Variants in YPEL1 observed in about 807,000 individuals in gnomAD.
YPEL1 encodes protein yippee-like 1.
In YPEL1, 7 loss-of-function variants were observed where a neutral mutation model predicts 17.3. The observed-to-expected ratio is 0.40, with a 90% CI of 0.23 to 0.76. The LOEUF is 0.76. Among genes scored for constraint, YPEL1 ranks in the 30% least tolerant of loss-of-function variants. YPEL1 has a pLI of 0.35. For missense variants in YPEL1, 91 were observed against 155.5 expected, an observed-to-expected ratio of 0.59 and a Z score of 2.21; for synonymous variants, 59 against 59.6, an observed-to-expected ratio of 0.99 and a Z score of 0.05.
At chr22:21,724,976 C>T (rs1056082685) in intron 1 of YPEL1, among the ~76,000 whole-genome samples, 3 of 151,474 alleles carry the variant, frequency 2.0e-5, no homozygotes, top group African/African-American at 4.9e-5. Flanking sequence ...GGTGCAATCT[C>T]GGCTCACTGC....
chr22:21,702,022 C>CA (rs1237291785), intron 4 of YPEL1, among the ~76,000 whole-genome samples: 3 of 47,142 alleles, frequency 6.4e-5, no homozygotes, highest in African/African-American at 2.3e-4. Flanking sequence ...GACCCTGTCT[C>CA]AAAAAACAAC....
intron 1 of YPEL1, among the ~76,000 whole-genome samples, chr22:21,717,174 G>C (rs867092478): frequency 6.6e-6 from 1 of 152,038 alleles, no homozygotes; most frequent in Admixed American, 6.6e-5. Context: ...TCAGGAGTTC[G>C]AGACCAGCCT....
intron 1 of YPEL1, among the ~76,000 whole-genome samples, chr22:21,717,696 G>C (rs1288440081): frequency 6.6e-6 from 1 of 152,192 alleles, no homozygotes; most frequent in African/African-American, 2.4e-5. Flanking sequence ...CCAGAGGAAG[G>C]AAAAATGACC....
chr22:21,722,352 G>A (rs1387044158), intron 1 of YPEL1, among the ~76,000 whole-genome samples: 1 of 152,176 alleles, frequency 6.6e-6, no homozygotes, highest in Non-Finnish European at 1.5e-5. Flanking sequence ...GGAGATGGAG[G>A]TTGCAGTAAG....
At position 21,735,396 on chromosome 22, in the gene YPEL1, A is replaced by G. The variant is rs534884092; in HGVS notation, c.-165+219T>C. Among the ~76,000 whole-genome samples, 9 of 152,268 alleles carry G rather than the reference A, an allele frequency of 5.9e-5. No homozygotes were observed. In the South Asian group the frequency reaches 1.9e-3, roughly 32 times the overall value. The stretch of plus-strand genomic sequence containing the variant: ...GGAGAGAAGAAACGGCGGGGGAATC[A>G]AAGATTAGGCGTTGTTGTCTGTGCC... On this transcript the variant is annotated intron_variant, in intron 1 of 4. Coordinates refer to ENST00000339468, the MANE Select transcript of YPEL1 (RefSeq NM_013313.5).
intron 2 of YPEL1, among the ~76,000 whole-genome samples, chr22:21,706,384 G>A (rs5754754): frequency 0.47 from 70,037 of 148,940 alleles, 16,727 homozygotes; most frequent in East Asian, 0.75. Flanking sequence ...GCAGTGAGCC[G>A]AGATCGCGCC....
intron 1 of YPEL1, among the ~76,000 whole-genome samples, chr22:21,721,126 T>A (rs565637468): frequency 4.0e-5 from 6 of 148,898 alleles, no homozygotes; most frequent in Non-Finnish European, 7.4e-5. Context: ...TTTGGGTTTT[T>A]TGGGGGGGGG....
intron 1 of YPEL1, among the ~76,000 whole-genome samples, chr22:21,731,072 T>C (rs1215335039): frequency 6.6e-6 from 1 of 152,162 alleles, no homozygotes; most frequent in African/African-American, 2.4e-5. Context: ...TAGAGGTGCT[T>C]TCTTGCTAAC....
At chr22:21,701,726 G>A (rs16995746) in intron 4 of YPEL1, among the ~76,000 whole-genome samples, 7,902 of 152,290 alleles carry the variant, frequency 0.052, 279 homozygotes, top group Non-Finnish European at 0.081. Context: ...TGCATAACTA[G>A]CGTGAAGGCA....
chr22:21,723,620 G>A (rs539285930), intron 1 of YPEL1, among the ~76,000 whole-genome samples: 22 of 152,152 alleles, frequency 1.4e-4, no homozygotes, highest in Admixed American at 1.4e-3. Flanking sequence ...CACCACCTCA[G>A]CCTCCCAAAG....
At chr22:21,712,735 A>T (rs2068182312) in intron 1 of YPEL1, among the ~76,000 whole-genome samples, 1 of 151,550 alleles carries the variant, frequency 6.6e-6, no homozygotes. Context: ...CAAAAAAAAA[A>T]AAAAAAGGAA....
Position 21,715,523 on chromosome 22 carries a change from C to CA in YPEL1, c.-164-4616dup, listed in dbSNP as rs200090285. The stretch of plus-strand genomic sequence containing the variant: ...AAAACAACAACAACAAACAAACAAA[C>CA]AAAAAAACCCCACGCTGCTTACTAT... On this transcript the variant is annotated intron_variant, in intron 1 of 4. Transcript: ENST00000339468. Among the ~76,000 whole-genome samples the CA allele has an allele frequency of 5.3e-3, 809 of 151,876 alleles. 7 individuals carry two copies. The highest frequency in any genetic ancestry group is 0.019 in the African/African-American group (771 of 41,414).
rs1030984535 is a variant in YPEL1 at position 21,715,221 on chromosome 22, G to A, written c.-164-4313C>T. 2.6e-5 allele frequency among the ~76,000 whole-genome samples: 4 copies of A among 152,218 alleles called. No individual in the cohort carries two copies. In the South Asian group the frequency reaches 6.2e-4, roughly 24 times the overall value. The stretch of plus-strand genomic sequence containing the variant: ...GACAAAAAAACTATTAAGGCTGGGT[G>A]TGGTGGCTCACATCTGTAATCCCAG... On this transcript the variant is annotated intron_variant, in intron 1 of 4. Coordinates refer to ENST00000339468, the MANE Select transcript of YPEL1 (RefSeq NM_013313.5).
intron 1 of YPEL1, among the ~76,000 whole-genome samples, chr22:21,729,442 T>TA (rs35544773): frequency 0.19 from 24,476 of 129,948 alleles, 2,207 homozygotes; most frequent in Middle Eastern, 0.26. Context: ...CCCCCATCTC[T>TA]AAAAAAAAAA....
intron 2 of YPEL1, among the ~76,000 whole-genome samples, chr22:21,704,376 G>T (rs752471931): frequency 6.6e-6 from 1 of 152,226 alleles, no homozygotes; most frequent in Non-Finnish European, 1.5e-5. Flanking sequence ...TCACAGCATG[G>T]CTGAGTATGG....
At position 21,703,241 on chromosome 22, in the gene YPEL1, G is replaced by T. The variant is rs2068082712; in HGVS notation, c.270+129C>A. Reference sequence around the variant, plus strand: ...ACTGGAGTCTGGACTTCCCACCTCGGCTGAGGAACTGGGGTTTCTGAAAGT... The same window carrying T: ...ACTGGAGTCTGGACTTCCCACCTCGTCTGAGGAACTGGGGTTTCTGAAAGT... On this transcript the variant is annotated intron_variant, in intron 4 of 4. Transcript: ENST00000339468. This position sits in a 1 kb window ranked among gnomAD's most constrained non-coding sequence, Gnocchi z 6.1. 2 of 781,726 alleles carry T rather than the reference G, an allele frequency of 2.6e-6. No homozygotes were observed. Among genetic ancestry groups the T allele is most frequent in the South Asian group, 1.6e-5 (1 of 62,196 alleles). 48.4% of individuals were successfully genotyped at this position (781,726 alleles called of 1,614,324 possible). A position where few individuals can be genotyped will look rare whatever the true frequency, so the allele number is the denominator to read the frequency against.
chr22:21,720,671 G>A (rs1338003591), intron 1 of YPEL1, among the ~76,000 whole-genome samples: 1 of 151,352 alleles, frequency 6.6e-6, no homozygotes, highest in Non-Finnish European at 1.5e-5. Flanking sequence ...TGTATTTTTA[G>A]TAGAGATGGG....
At chr22:21,730,836 G>A (rs2068379114) in intron 1 of YPEL1, among the ~76,000 whole-genome samples, 1 of 152,124 alleles carries the variant, frequency 6.6e-6, no homozygotes, top group African/African-American at 2.4e-5. Context: ...GAACCCAAGG[G>A]GCCTGGCTCC....
At chr22:21,710,951 T>A (rs772293957) in intron 1 of YPEL1, 43 bp from the exon 2 acceptor site, 1 of 587,468 alleles carries the variant, frequency 1.7e-6, no homozygotes, top group Non-Finnish European at 3.1e-6. Flanking sequence ...AGAGAGAACA[T>A]GCGTGTGAAG....
Sources: gnomAD v4.1 joint callset for allele counts (sites outside exome capture counted in the v4.1 genomes callset) on GRCh38, gnomAD v4.1.1 for gene constraint, Gnocchi (gnomAD v3.1) non-coding constraint, MANE v1.5 for transcripts, NCBI Gene and HGNC (gene_info 2026-07-23, HGNC 2026-07-21) for gene names.